The following NR4A3 variants were observed in gnomAD, a reference collection of about 807,000 sequenced individuals.
NR4A3 encodes the protein nuclear receptor subfamily 4 group A member 3.
A neutral mutation model predicts 55.6 loss-of-function variants in NR4A3; 13 were observed. The ratio of observed to expected loss-of-function variants is 0.23; its 90% confidence interval spans 0.15 to 0.37. The LOEUF is 0.37. NR4A3 is among the 10% of genes least tolerant of loss of function. The pLI, the probability that NR4A3 is intolerant of heterozygous loss-of-function variation, is 1.00. For synonymous variants in NR4A3, 342 were observed against 357.9 expected (o/e 0.96, Z 0.50); for missense variants, 646 against 822.8 (o/e 0.79, Z 2.63).
intron 3 of NR4A3, among the ~76,000 whole-genome samples, chr9:99,831,626 T>C (rs1193109373): frequency 6.6e-6 from 1 of 152,246 alleles, no homozygotes; most frequent in African/African-American, 2.4e-5. Flanking sequence ...TTTTCTTTTT[T>C]TATTAATGCA....
intron 7 of NR4A3, among the ~76,000 whole-genome samples, chr9:99,849,608 A>T (rs1317041269): frequency 6.6e-6 from 1 of 152,234 alleles, no homozygotes; most frequent in Non-Finnish European, 1.5e-5. Flanking sequence ...TTCCTACGTC[A>T]GTTAAACATT....
intron 2 of NR4A3, chr9:99,826,907 G>T: frequency 6.8e-6 from 8 of 1,178,656 alleles, no homozygotes; most frequent in Admixed American, 4.2e-5. Context: ...TTTTCCTTTG[G>T]CTCAGAAAAA....
chr9:99,832,940 AT>A, intron 4 of NR4A3, 122 bp downstream of exon 4: 2 of 835,514 alleles, frequency 2.4e-6, no homozygotes, highest in Non-Finnish European at 3.5e-6. Flanking sequence ...TCAACATTTT[AT>A]TTTTATCATA....
chr9:99,824,937 TG>T (rs1009164273), intron 1 of NR4A3, among the ~76,000 whole-genome samples: 3 of 152,198 alleles, frequency 2.0e-5, no homozygotes, highest in Non-Finnish European at 4.4e-5. Flanking sequence ...CACCGCCCTC[TG>T]GGTGCAGGGG....
At position 99,858,663 on chromosome 9, in the gene NR4A3, A is replaced by G. The variant is rs796318674; in HGVS notation, c.1634-4957A>G. ...AATTAGAGATGTCCAGAGATGGAAG[A>G]CATCTTGTTATAAGAGAAATATCTC... On this transcript the variant is annotated intron_variant, in intron 7 of 7. Transcript: ENST00000395097. Among the ~76,000 whole-genome samples, 10 of 152,380 alleles carry G rather than the reference A, an allele frequency of 6.6e-5. No homozygotes were observed. The East Asian group carries it at 1.7e-3, about 26-fold the overall frequency.
At chr9:99,857,125 G>A (rs1456124481) in intron 7 of NR4A3, among the ~76,000 whole-genome samples, 2 of 152,158 alleles carry the variant, frequency 1.3e-5, no homozygotes, top group Admixed American at 6.5e-5. Context: ...GAGGCCATGG[G>A]TATTGAGAGG....
chr9:99,847,288 TTC>T (rs1242939658), intron 6 of NR4A3, 147 bp from the exon 7 acceptor site: 34 of 692,888 alleles, frequency 4.9e-5, no homozygotes, highest in Non-Finnish European at 7.6e-5. Context: ...CATAGTCTTA[TTC>T]ATTGTGGGTA....
Position 99,828,314 on chromosome 9 carries a change from C to G in NR4A3, c.272C>G (p.Ala91Gly). 1 of 1,611,844 alleles carries G rather than the reference C, an allele frequency of 6.2e-7. No individual in the cohort carries two copies. Among genetic ancestry groups the G allele is most frequent in the Non-Finnish European group, 8.5e-7 (1 of 1,179,416 alleles). ...TTGATCAAAGTGGAGGAGGGGCGGG[C>G]GCCCAGCTACCATCACCATCACCAC... is the stretch of plus-strand genomic sequence containing the variant. ...RPLIKVEEGR[A>G]PSYHHHHHHH... The change falls in exon 3 of 8, where the codon GCG (alanine) becomes GGG (glycine). Residue 91 changes from alanine to glycine, a missense_variant. Coordinates refer to ENST00000395097, the MANE Select transcript of NR4A3 (RefSeq NM_006981.4). The surrounding 1 kb of genome is among the most constrained non-coding windows in gnomAD (Gnocchi z 7.7).
At position 99,847,555 on chromosome 9, in the gene NR4A3, C is replaced by G. The variant is rs1827775703; in HGVS notation, c.1573C>G (p.Gln525Glu). ...DSIKDFSLNL[Q>E]SLNLDIQALA... The stretch of plus-strand genomic sequence containing the variant: ...TATTAAAGACTTTTCCTTAAATTTG[C>G]AGAGCCTGAACCTTGATATCCAAGC... Residue 525 changes from glutamine to glutamate, a missense_variant, in exon 7 of 8, where the codon CAG (glutamine) becomes GAG (glutamate). By Grantham distance (29) the Gln-to-Glu change is conservative. Transcript: ENST00000395097. The G allele has an allele frequency of 1.2e-6, 2 of 1,614,032 alleles. No individual in the cohort carries two copies. The highest frequency in any genetic ancestry group is 1.7e-6 in the Non-Finnish European group (2 of 1,180,038).
chr9:99,847,950 G>A (rs1434204603), intron 7 of NR4A3, among the ~76,000 whole-genome samples: 1 of 152,170 alleles, frequency 6.6e-6, no homozygotes, highest in East Asian at 1.9e-4. Flanking sequence ...TGTCACACAG[G>A]CTAGAGAGCA....
intron 7 of NR4A3, among the ~76,000 whole-genome samples, chr9:99,851,199 G>A (rs1402591514): frequency 2.6e-5 from 4 of 152,126 alleles, no homozygotes; most frequent in African/African-American, 9.7e-5. Context: ...CTCTCTTTGT[G>A]ACTTACTGGT....
chr9:99,834,817 C>T, intron 5 of NR4A3: 1 of 985,346 alleles, frequency 1.0e-6, no homozygotes, highest in Non-Finnish European at 1.2e-6. Context: ...ATATGAGAAG[C>T]ATGGTAGATC....
rs572062127 is a variant in NR4A3 at position 99,848,052 on chromosome 9, A to C, written c.1633+437A>C. On this transcript the variant is annotated intron_variant, in intron 7 of 7. Transcript: ENST00000395097. Reference sequence around the variant, plus strand: ...CCTGAGTAGCTAGGACTATAGGCACATGCCACCACACATTTGTCCTGTTTT... The same window carrying C: ...CCTGAGTAGCTAGGACTATAGGCACCTGCCACCACACATTTGTCCTGTTTT... 3.9e-4 allele frequency among the ~76,000 whole-genome samples: 60 copies of C among 152,222 alleles called. 1 individual carries two copies. Among genetic ancestry groups the C allele is most frequent in the Middle Eastern group, 3.4e-3 (1 of 294 alleles).
chr9:99,846,974 A>T (rs1371644269), intron 6 of NR4A3, among the ~76,000 whole-genome samples: 1 of 152,190 alleles, frequency 6.6e-6, no homozygotes, highest in African/African-American at 2.4e-5. Flanking sequence ...TAAAGTGTGC[A>T]CAATGGAATT....
Position 99,824,114 on chromosome 9 carries a change from C to A in NR4A3, c.-176-1545C>A, listed in dbSNP as rs559560945. On this transcript the variant is annotated intron_variant, in intron 1 of 7. Coordinates refer to ENST00000395097, the MANE Select transcript of NR4A3 (RefSeq NM_006981.4). ...CGGCCCCGGCGGCCGCAAGCAGGAG[C>A]GGCGGAACGTGTTTCCAGGCACTGA... 1.1e-3 allele frequency among the ~76,000 whole-genome samples: 160 copies of A among 152,270 alleles called. 1 individual carries two copies. The highest frequency in any genetic ancestry group is 5.9e-4 in the Non-Finnish European group (40 of 68,028).
chr9:99,862,378 T>C (rs1828021136), intron 7 of NR4A3, among the ~76,000 whole-genome samples: 1 of 151,308 alleles, frequency 6.6e-6, no homozygotes, highest in South Asian at 2.1e-4. Flanking sequence ...ACCCCATCTC[T>C]ACTGAAAATA....
intron 7 of NR4A3, among the ~76,000 whole-genome samples, chr9:99,856,136 G>A (rs971982779): frequency 2.6e-5 from 4 of 151,872 alleles, no homozygotes; most frequent in African/African-American, 7.3e-5. Flanking sequence ...CATTTATTGC[G>A]CACTTTATTT....
rs547592603 is a variant in NR4A3 at position 99,823,380 on chromosome 9, C to G, written c.-177+973C>G. ...GAAGAACGCATTTGTCCCTTGATTT[C>G]CAAAAACGTTCTTGGAGATTGCCTT... On this transcript the variant is annotated intron_variant, in intron 1 of 7. Coordinates refer to ENST00000395097, the MANE Select transcript of NR4A3 (RefSeq NM_006981.4). Among the ~76,000 whole-genome samples the G allele has an allele frequency of 4.6e-5, 7 of 152,158 alleles. No individual in the cohort carries two copies. In the South Asian group the frequency reaches 1.5e-3, roughly 32 times the overall value.
intron 7 of NR4A3, among the ~76,000 whole-genome samples, chr9:99,848,466 T>G (rs565179297): frequency 1.3e-5 from 2 of 152,292 alleles, no homozygotes; most frequent in African/African-American, 4.8e-5. Flanking sequence ...TGTCTCACCC[T>G]CCTGAGTAGC....
Sources: gnomAD v4.1 joint callset for allele counts (sites outside exome capture counted in the v4.1 genomes callset) on GRCh38, gnomAD v4.1.1 for gene constraint, Gnocchi (gnomAD v3.1) non-coding constraint, MANE v1.5 for transcripts, NCBI Gene and HGNC (gene_info 2026-07-23, HGNC 2026-07-21) for gene names.